KCNN2: variants seen among roughly 807,000 people sequenced by gnomAD.
The protein encoded by KCNN2 is small conductance calcium-activated potassium channel protein 2.
Under a neutral mutation model 55.5 loss-of-function variants are expected in KCNN2, and 24 were observed. That is an observed-to-expected ratio of 0.43 (90% CI 0.31 to 0.61). The LOEUF (loss-of-function observed/expected upper bound fraction) is 0.61, where lower values mean the gene tolerates loss of function less well. Ranked by LOEUF, KCNN2 falls within the 20% of genes least tolerant of loss-of-function variation. The pLI is 0.08. For synonymous variants in KCNN2, 431 were observed against 336.1 expected, an observed-to-expected ratio of 1.28 and a Z score of -3.09; for missense variants, 754 against 853.6, an observed-to-expected ratio of 0.88 and a Z score of 1.45.
intron 1 of KCNN2, among the ~76,000 whole-genome samples, chr5:114,160,493 G>T (rs1387973016): frequency 6.6e-6 from 1 of 152,122 alleles, no homozygotes; most frequent in Non-Finnish European, 1.5e-5. Flanking sequence ...GATTTGGGGT[G>T]GAGAGTTCTG....
intron 1 of KCNN2, among the ~76,000 whole-genome samples, chr5:114,123,482 C>T (rs1016752472): frequency 1.7e-5 from 2 of 116,422 alleles, no homozygotes; most frequent in Admixed American, 1.6e-4. Context: ...CCTGTCTCAG[C>T]CTCCCGCGTA....
intron 2 of KCNN2, among the ~76,000 whole-genome samples, chr5:114,319,025 C>T (rs535340813): frequency 1.3e-5 from 2 of 152,102 alleles, no homozygotes; most frequent in Non-Finnish European, 2.9e-5. Flanking sequence ...CTTCTTTCTT[C>T]TGTGCCCCCA....
chr5:114,244,776 G>A (rs1754718789), intron 2 of KCNN2, among the ~76,000 whole-genome samples: 1 of 152,130 alleles, frequency 6.6e-6, no homozygotes, highest in Non-Finnish European at 1.5e-5. Context: ...AATTAACGGT[G>A]GTATCTGAAG....
chr5:114,153,174 G>A (rs1203467021), intron 1 of KCNN2, among the ~76,000 whole-genome samples: 1 of 152,184 alleles, frequency 6.6e-6, no homozygotes, highest in Non-Finnish European at 1.5e-5. Context: ...AGATATATGA[G>A]TCAGAAGTTC....
intron 1 of KCNN2, among the ~76,000 whole-genome samples, chr5:114,115,261 G>T (rs572831541): frequency 3.3e-4 from 50 of 152,180 alleles, no homozygotes; most frequent in African/African-American, 1.2e-3. Flanking sequence ...TCTAATTTAT[G>T]CAAATAATTT....
intron 3 of KCNN2, among the ~76,000 whole-genome samples, chr5:114,449,914 G>A (rs879438878): frequency 0.013 from 1,658 of 131,574 alleles, 19 homozygotes; most frequent in Non-Finnish European, 0.017. Context: ...ACACACGCGC[G>A]CGCTCGCGTG....
At chr5:114,058,833 A>C (rs1750264800) in intron 1 of KCNN2, among the ~76,000 whole-genome samples, 1 of 152,148 alleles carries the variant, frequency 6.6e-6, no homozygotes, top group African/African-American at 2.4e-5. Flanking sequence ...TGGAGACTGG[A>C]CTATCGGAGG....
chr5:114,474,018 G>A (rs1761864698), intron 5 of KCNN2, among the ~76,000 whole-genome samples: 1 of 152,138 alleles, frequency 6.6e-6, no homozygotes, highest in African/African-American at 2.4e-5. Flanking sequence ...ATCTTGCTGT[G>A]TAACTACTGC....
intron 1 of KCNN2, among the ~76,000 whole-genome samples, chr5:114,088,007 G>T (rs530166795): frequency 1.3e-5 from 2 of 151,942 alleles, no homozygotes; most frequent in African/African-American, 2.4e-5. Flanking sequence ...GATTCTATCT[G>T]ATATTTTTCT....
chr5:114,161,400 G>T, intron 1 of KCNN2, among the ~76,000 whole-genome samples: 2 of 133,478 alleles, frequency 1.5e-5, no homozygotes, highest in South Asian at 3.0e-4. Context: ...TCCCTTTGTG[G>T]GTAACCCAAC....
At chr5:114,176,260 A>AG (rs1753129829) in intron 1 of KCNN2, among the ~76,000 whole-genome samples, 1 of 152,176 alleles carries the variant, frequency 6.6e-6, no homozygotes, top group South Asian at 2.1e-4. Flanking sequence ...TGTCCCCTGG[A>AG]GGGAAAATTG....
intron 1 of KCNN2, among the ~76,000 whole-genome samples, chr5:114,182,265 G>A (rs1753255308): frequency 6.6e-6 from 1 of 151,838 alleles, no homozygotes; most frequent in Non-Finnish European, 1.5e-5. Flanking sequence ...TGTTGATCCT[G>A]CCTGCTGATA....
chr5:114,334,768 A>G (rs1015455208), intron 2 of KCNN2, among the ~76,000 whole-genome samples: 5 of 152,174 alleles, frequency 3.3e-5, no homozygotes, highest in East Asian at 3.9e-4. Flanking sequence ...CTGTATTTCT[A>G]AACTATCCCA....
chr5:114,201,813 C>T (rs1164447867), intron 1 of KCNN2, among the ~76,000 whole-genome samples: 2 of 151,354 alleles, frequency 1.3e-5, no homozygotes, highest in Non-Finnish European at 2.9e-5. Flanking sequence ...CCTAGATATG[C>T]ATAGGATAGC....
Position 114,362,677 on chromosome 5 carries a change from C to A in KCNN2, c.538C>A (p.Pro180Thr), listed in dbSNP as rs368225575. ...CAGCCTCGGCAGTCTGGGCTCCGGG[C>A]CCCCGCTCTCGCACCACCACCACCA... ...TGSLGSLGSG[P>T]PLSHHHHHPH... Residue 180 changes from proline (P) to threonine (T), a missense_variant, in exon 1 of 8, where the codon CCC (proline) becomes ACC (threonine). Pro to Thr is a conservative substitution (Grantham distance 38, BLOSUM62 -1). Around this residue, in one of 4 missense-constraint regions of KCNN2, gnomAD observed 381 missense variants for 259.1 expected, o/e 1.47. Transcript: ENST00000673685. The A allele has an allele frequency of 4.9e-6, 7 of 1,428,538 alleles. No individual in the cohort carries two copies. Among genetic ancestry groups the A allele is most frequent in the Non-Finnish European group, 6.4e-6 (7 of 1,091,762 alleles). 88.5% of individuals were successfully genotyped at this position (1,428,538 alleles called of 1,614,324 possible). A position where few individuals can be genotyped will look rare whatever the true frequency, so the allele number is the denominator to read the frequency against.
intron 1 of KCNN2, among the ~76,000 whole-genome samples, chr5:114,058,447 A>G (rs1750256252): frequency 6.6e-6 from 1 of 152,194 alleles, no homozygotes; most frequent in Non-Finnish European, 1.5e-5. Flanking sequence ...AAGGCCAGGT[A>G]TGCTTGTTAC....
intron 1 of KCNN2, among the ~76,000 whole-genome samples, chr5:114,123,242 A>G (rs1751859890): frequency 6.6e-6 from 1 of 151,886 alleles, no homozygotes; most frequent in African/African-American, 2.4e-5. Context: ...TATTGTATCC[A>G]CTTTTTTTCT....
rs1057180495 is a variant in KCNN2 at position 114,382,759 on chromosome 5, C to T, written c.1218+18758C>T. Among the ~76,000 whole-genome samples the T allele has an allele frequency of 2.6e-5, 4 of 152,292 alleles. No individual in the cohort carries two copies. In the East Asian group the frequency reaches 7.7e-4, roughly 29 times the overall value. On this transcript the variant is annotated intron_variant, in intron 2 of 7. Transcript: ENST00000673685. The stretch of plus-strand genomic sequence containing the variant: ...TACCAAAAAACAAATGGATGGATGG[C>T]GTCTGCTCTCACAACTCCAGTCATA...
At chr5:114,467,165 C>T (rs1243616370) in intron 4 of KCNN2, among the ~76,000 whole-genome samples, 1 of 152,146 alleles carries the variant, frequency 6.6e-6, no homozygotes, top group Non-Finnish European at 1.5e-5. Context: ...AGAGCAAAAA[C>T]ACTACCCTGT....
Sources: gnomAD v4.1 joint callset for allele counts (sites outside exome capture counted in the v4.1 genomes callset) on GRCh38, gnomAD v4.1.1 for gene constraint, gnomAD v4.1.1 regional missense constraint, MANE v1.5 for transcripts, NCBI Gene and HGNC (gene_info 2026-07-23, HGNC 2026-07-21) for gene names.